Variants in SON observed in about 807,000 individuals in gnomAD.
The protein encoded by SON is protein SON.
Under a neutral mutation model 173.3 loss-of-function variants are expected in SON, and 4 were observed. That is an observed-to-expected ratio of 0.02 (90% CI 0.01 to 0.05). The LOEUF is 0.05. SON is among the 10% of genes least tolerant of loss of function. SON has a pLI of 1.00. For synonymous variants in SON, 1,190 were observed against 1,105.9 expected, an observed-to-expected ratio of 1.08 and a Z score of -1.51; for missense variants, 2,626 against 3,055.3, an observed-to-expected ratio of 0.86 and a Z score of 3.31.
chr21:33,573,050 T>C (rs1405571882), intron 8 of SON: 8 of 325,026 alleles, frequency 2.5e-5, no homozygotes, highest in Non-Finnish European at 4.5e-5. Context: ...TTTTTTTTTT[T>C]GAGGGGGGCA....
chr21:33,565,372 T>C (rs1338769407), intron 6 of SON, among the ~76,000 whole-genome samples: 1 of 152,120 alleles, frequency 6.6e-6, no homozygotes, highest in Non-Finnish European at 1.5e-5. Flanking sequence ...ACACTTAGAT[T>C]TATAGAGACT....
intron 6 of SON, among the ~76,000 whole-genome samples, chr21:33,565,735 T>G (rs758318245): frequency 6.6e-6 from 1 of 152,212 alleles, no homozygotes; most frequent in Non-Finnish European, 1.5e-5. Context: ...TGCAGTTGAT[T>G]AGACTGTTTA....
At chr21:33,569,554 C>CGAATAGAGG (rs2086239205) in intron 8 of SON, 1 of 411,684 alleles carries the variant, frequency 2.4e-6, no homozygotes, top group Non-Finnish European at 5.0e-6. Context: ...CCTTTGCCCT[C>CGAATAGAGG]GCACCCCACC....
Position 33,554,843 on chromosome 21 carries a change from G to A in SON, c.5612G>A (p.Arg1871Lys), listed in dbSNP as rs371048249. Residue 1871 changes from arginine (R) to lysine (K), a missense_variant, in exon 3 of 12, where the codon AGG becomes AAG. Arg to Lys is a conservative substitution (Grantham distance 26). Around this residue, in one of 13 missense-constraint regions of SON, gnomAD observed 1,006 missense variants for 895.6 expected, o/e 1.12. Coordinates refer to ENST00000356577, the MANE Select transcript of SON (RefSeq NM_138927.4). ...TCACGGTCACGTTCAAGACGCAGGA[G>A]GAGAAGCAGCAGATCAAGATCAAAG... ...TRSRSRSRRRRRSSRSRSKSR... is the reference protein window; with the variant it reads ...TRSRSRSRRRKRSSRSRSKSR... 7 of 1,613,916 alleles carry A rather than the reference G, an allele frequency of 4.3e-6. No individual in the cohort carries two copies. The highest frequency in any genetic ancestry group is 1.3e-5 in the African/African-American group (1 of 74,898).
At position 33,554,240 on chromosome 21, in the gene SON, C is replaced by T; in HGVS notation, c.5009C>T (p.Ser1670Phe). 2 of 1,614,032 alleles carry T rather than the reference C, an allele frequency of 1.2e-6. No individual in the cohort carries two copies. Among genetic ancestry groups the T allele is most frequent in the Non-Finnish European group, 8.5e-7 (1 of 1,179,908 alleles). Reference sequence around the variant, plus strand: ...AAAGATATTCATCTTGATTTACCATCTAATAATAACCTTGTTAGTAAGGAT... The same window carrying T: ...AAAGATATTCATCTTGATTTACCATTTAATAATAACCTTGTTAGTAAGGAT... ...PAKDIHLDLPSNNNLVSKDTE... is the reference protein window; with the variant it reads ...PAKDIHLDLPFNNNLVSKDTE... The change falls in exon 3 of 12, where the codon TCT (serine) becomes TTT (phenylalanine). Residue 1670 changes from serine (S) to phenylalanine (F), a missense_variant. Transcript: ENST00000356577.
intron 6 of SON, among the ~76,000 whole-genome samples, chr21:33,562,627 C>T (rs1172374019): frequency 6.6e-6 from 1 of 152,238 alleles, no homozygotes; most frequent in Non-Finnish European, 1.5e-5. Flanking sequence ...AGACTGTGTG[C>T]GGTACTGCCA....
chr21:33,547,584 C>CT (rs1181791415), intron 2 of SON, among the ~76,000 whole-genome samples: 1 of 151,696 alleles, frequency 6.6e-6, no homozygotes, highest in Non-Finnish European at 1.5e-5. Flanking sequence ...ATTCATGGCT[C>CT]TAACAACCTT....
At chr21:33,566,070 T>C (rs1009705942) in intron 6 of SON, among the ~76,000 whole-genome samples, 1 of 152,194 alleles carries the variant, frequency 6.6e-6, no homozygotes, top group African/African-American at 2.4e-5. Flanking sequence ...TAGCCTCTAC[T>C]TGTAAAAAAG....
intron 3 of SON, among the ~76,000 whole-genome samples, chr21:33,556,275 A>G (rs1173835307): frequency 6.6e-6 from 1 of 152,222 alleles, no homozygotes; most frequent in African/African-American, 2.4e-5. Context: ...GGTAAAATGC[A>G]TATATGTCTC....
Position 33,555,220 on chromosome 21 carries a change from C to T in SON, c.5989C>T (p.Arg1997Cys), listed in dbSNP as rs1182626307. The T allele has an allele frequency of 3.7e-6, 6 of 1,603,570 alleles. No individual in the cohort carries two copies. Among genetic ancestry groups the T allele is most frequent in the South Asian group, 1.1e-5 (1 of 90,114 alleles). The change falls in exon 3 of 12, where the codon CGC becomes TGC. Residue 1997 changes from arginine to cysteine, a missense_variant. Coordinates refer to ENST00000356577, the MANE Select transcript of SON (RefSeq NM_138927.4). ...TAGCCGTCGGAGCCGCACCCCAAGC[C>T]GCCGGAGAAGATCAAGGTCTGTGGT... is the stretch of plus-strand genomic sequence containing the variant. The part of the protein sequence containing the change: ...TPSRRSRTPS[R>C]RRRSRSVVRR...
intron 2 of SON, among the ~76,000 whole-genome samples, 200 bp from the exon 3 acceptor site, chr21:33,549,276 T>C (rs903042616): frequency 6.6e-6 from 1 of 152,278 alleles, no homozygotes; most frequent in African/African-American, 2.4e-5. Context: ...GGTTTCACCA[T>C]GCTGGCCAGG....
intron 1 of SON, among the ~76,000 whole-genome samples, chr21:33,545,563 A>G (rs916395068): frequency 6.6e-6 from 1 of 152,244 alleles, no homozygotes; most frequent in African/African-American, 2.4e-5. Context: ...TGAATGGAAC[A>G]TGTGTTAAGC....
At chr21:33,557,413 A>G in intron 4 of SON, 97 bp downstream of exon 4, 1 of 1,542,168 alleles carries the variant, frequency 6.5e-7, no homozygotes, top group Non-Finnish European at 8.8e-7. Flanking sequence ...CAGAACTGAT[A>G]ATGGCTGGCA....
intron 2 of SON, among the ~76,000 whole-genome samples, chr21:33,547,705 C>CTTTTTTTTTTTT (rs928851742): frequency 2.8e-5 from 2 of 70,998 alleles, no homozygotes; most frequent in African/African-American, 1.1e-4. Context: ...CTTCTGTAGT[C>CTTTTTTTTTTTT]TTTTTTTTTT....
intron 1 of SON, among the ~76,000 whole-genome samples, chr21:33,545,647 T>C (rs780537375): frequency 2.1e-4 from 32 of 152,248 alleles, no homozygotes; most frequent in Non-Finnish European, 3.7e-4. Context: ...TCTTGATAAT[T>C]GTGTAAAAAT....
At chr21:33,543,241 C>T (rs1601246100) in intron 1 of SON, 72 bp downstream of exon 1, 4 of 1,362,136 alleles carry the variant, frequency 2.9e-6, no homozygotes, top group Admixed American at 1.7e-5. Flanking sequence ...TGGCACCTTT[C>T]TTCGGAGACG....
chr21:33,544,203 C>A (rs900445783), intron 1 of SON, among the ~76,000 whole-genome samples: 1 of 152,178 alleles, frequency 6.6e-6, no homozygotes, highest in Non-Finnish European at 1.5e-5. Context: ...CAAAGTAATA[C>A]AGGATTATTA....
chr21:33,569,458 T>G (rs1156688984), intron 8 of SON: 2 of 336,436 alleles, frequency 5.9e-6, no homozygotes, highest in Non-Finnish European at 1.2e-5. Flanking sequence ...TTTTTCTTCA[T>G]CATGGGATAC....
Position 33,576,962 on chromosome 21 carries a change from T to G in SON, c.*538T>G. 5.1e-6 allele frequency: 1 copy of G among 196,568 alleles called. No individual in the cohort carries two copies. The highest frequency in any genetic ancestry group is 1.1e-5 in the Non-Finnish European group (1 of 91,826). The allele number at this position is 196,568 out of a possible 1,614,324, so 12.2% of individuals were successfully genotyped here. On this transcript the variant is annotated 3_prime_UTR_variant, in exon 12 of 12. Transcript: ENST00000356577. ...GAAGGGCTGTGCACCTTGTACTATT[T>G]CACAATGGGTTCTGCTGGACAGATA...
Sources: allele counts gnomAD v4.1 joint callset (sites outside exome capture counted in the v4.1 genomes callset), GRCh38; gene constraint gnomAD v4.1.1; regional missense constraint gnomAD v4.1.1; transcripts MANE v1.5; gene names NCBI Gene and HGNC (gene_info 2026-07-23, HGNC 2026-07-21).